The following FAM13C variants were observed in gnomAD, a reference collection of about 807,000 sequenced individuals.
The protein encoded by FAM13C is family with sequence similarity 13 member C.
Under a neutral mutation model 73.2 loss-of-function variants are expected in FAM13C, and 37 were observed. That is an observed-to-expected ratio of 0.51 (90% confidence interval 0.39 to 0.67). The LOEUF is 0.67. Ranked by LOEUF, FAM13C falls within the 30% of genes least tolerant of loss-of-function variation. The pLI, the probability that FAM13C is intolerant of heterozygous loss-of-function variation, is 0.00. For synonymous variants in FAM13C, 246 were observed against 260.9 expected (o/e 0.94, Z 0.55); for missense variants, 589 against 715.6 (o/e 0.82, Z 2.02).
chr10:59,302,371 T>C (rs181806352), intron 5 of FAM13C, among the ~76,000 whole-genome samples: 55 of 152,210 alleles, frequency 3.6e-4, no homozygotes, highest in Non-Finnish European at 3.4e-4. Context: ...AAAATCACAT[T>C]GCAAACACTA....
chr10:59,341,945 C>A (rs1169351012), intron 3 of FAM13C, among the ~76,000 whole-genome samples: 3 of 152,164 alleles, frequency 2.0e-5, no homozygotes, highest in Non-Finnish European at 4.4e-5. Context: ...TCTAGAGCAG[C>A]AGTTTTCAAA....
intron 6 of FAM13C, among the ~76,000 whole-genome samples, chr10:59,280,890 C>T (rs1844853528): frequency 1.3e-5 from 2 of 152,088 alleles, no homozygotes; most frequent in Non-Finnish European, 2.9e-5. Context: ...TGAATTTATC[C>T]TTTGAATGTT....
intron 8 of FAM13C, among the ~76,000 whole-genome samples, chr10:59,266,182 T>G (rs149984541): frequency 6.6e-6 from 1 of 152,212 alleles, no homozygotes; most frequent in Non-Finnish European, 1.5e-5. Flanking sequence ...GACAAAAGAC[T>G]GATTCTTTCC....
At position 59,277,862 on chromosome 10, in the gene FAM13C, CA is replaced by C. The variant is rs567163102; in HGVS notation, c.592+5500del. Among the ~76,000 whole-genome samples the C allele has an allele frequency of 5.3e-5, 8 of 152,246 alleles. No individual in the cohort carries two copies. In the East Asian group the frequency reaches 1.5e-3, roughly 29 times the overall value. ...TATGGAGTCAGAGTGGGGAAAGCCCCACTAACACTTCCCCACTTTCCACCCA... is the reference window on the plus strand; with the variant it reads ...TATGGAGTCAGAGTGGGGAAAGCCCCCTAACACTTCCCCACTTTCCACCCA... On this transcript the variant is annotated intron_variant, in intron 6 of 13. Transcript: ENST00000618804.
chr10:59,252,731 T>C, intron 12 of FAM13C, 68 bp downstream of exon 12: 4 of 1,505,180 alleles, frequency 2.7e-6, no homozygotes, highest in Non-Finnish European at 3.7e-6. Flanking sequence ...AGGCCAGCTC[T>C]ACTTCATATA....
At chr10:59,348,091 G>GA (rs1422869117) in intron 3 of FAM13C, among the ~76,000 whole-genome samples, 5 of 151,808 alleles carry the variant, frequency 3.3e-5, no homozygotes, top group Non-Finnish European at 4.4e-5. Context: ...CAAACTTTGT[G>GA]AAAAAAAAGA....
intron 3 of FAM13C, among the ~76,000 whole-genome samples, chr10:59,347,287 A>G (rs959545779): frequency 1.3e-5 from 2 of 152,062 alleles, no homozygotes; most frequent in Non-Finnish European, 2.9e-5. Context: ...TCTTTCATTC[A>G]CGAATACACA....
chr10:59,261,425 A>G (rs904165949), intron 10 of FAM13C, among the ~76,000 whole-genome samples: 1 of 152,194 alleles, frequency 6.6e-6, no homozygotes, highest in African/African-American at 2.4e-5. Flanking sequence ...TATGATTAAT[A>G]CCAGGTAATG....
At chr10:59,284,031 A>ATGTGTGTGTGTGTG (rs6143934) in intron 5 of FAM13C, among the ~76,000 whole-genome samples, 6 of 149,014 alleles carry the variant, frequency 4.0e-5, no homozygotes, top group African/African-American at 1.5e-4. Flanking sequence ...ATGCTGGGGT[A>ATGTGTGTGTGTGTG]TGTGTGTGTG....
At chr10:59,252,684 A>C in intron 12 of FAM13C, 115 bp downstream of exon 12, 1 of 935,938 alleles carries the variant, frequency 1.1e-6, no homozygotes. Flanking sequence ...AGGCCCTGAG[A>C]ACTGTTGACC....
chr10:59,337,054 C>T (rs1564604437), intron 3 of FAM13C, among the ~76,000 whole-genome samples: 1 of 152,186 alleles, frequency 6.6e-6, no homozygotes, highest in South Asian at 2.1e-4. Context: ...TTAAATAACT[C>T]CCATTTTACT....
At chr10:59,258,533 C>CAAGAAACTTGTA (rs1336012734) in intron 10 of FAM13C, among the ~76,000 whole-genome samples, 45 of 152,078 alleles carry the variant, frequency 3.0e-4, no homozygotes, top group Non-Finnish European at 6.3e-4. Flanking sequence ...CTTGTATATG[C>CAAGAAACTTGTA]TCTACATAGA....
chr10:59,318,700 CT>C (rs2133986048), intron 4 of FAM13C, among the ~76,000 whole-genome samples: 1 of 152,134 alleles, frequency 6.6e-6, no homozygotes, highest in African/African-American at 2.4e-5. Context: ...GAGAGCCCTC[CT>C]TTCCAGCTCC....
rs150460810 is a variant in FAM13C at position 59,355,937 on chromosome 10, G to A, written c.69C>T (p.Asp23=). 993 of 1,613,854 alleles carry A rather than the reference G, an allele frequency of 6.2e-4. 1 individual carries two copies. The highest frequency in any genetic ancestry group is 6.1e-4 in the Non-Finnish European group (716 of 1,179,800). Residue 23 remains aspartate (D), a synonymous_variant, in exon 2 of 14, where the codon GAC becomes GAT. Transcript: ENST00000618804. ...CTTCATGTAGAGAGACTGGATCTTC[G>A]TCACACCTGGAAGAGTGGGAAGAAA... ...SFSSTTVTEC[D]EDPVSLHEDQ...
At chr10:59,320,330 C>A (rs937334833) in intron 4 of FAM13C, among the ~76,000 whole-genome samples, 1 of 152,080 alleles carries the variant, frequency 6.6e-6, no homozygotes, top group Non-Finnish European at 1.5e-5. Context: ...AAATTTGAGG[C>A]CTCTAATGTG....
At chr10:59,309,261 C>T (rs180971778) in intron 4 of FAM13C, among the ~76,000 whole-genome samples, 8 of 152,272 alleles carry the variant, frequency 5.3e-5, no homozygotes, top group Admixed American at 3.9e-4. Context: ...GGCCAAGCCA[C>T]CAGCACCTCT....
chr10:59,320,916 C>A (rs769060407), intron 4 of FAM13C, among the ~76,000 whole-genome samples: 102 of 152,162 alleles, frequency 6.7e-4, no homozygotes, highest in Non-Finnish European at 1.3e-3. Flanking sequence ...TTTAACAGTT[C>A]TGAATCTTCT....
intron 3 of FAM13C, 68 bp downstream of exon 3, chr10:59,352,202 C>T (rs922712158): frequency 1.3e-6 from 2 of 1,575,296 alleles, no homozygotes; most frequent in Non-Finnish European, 1.7e-6. Context: ...AAATCGTCTG[C>T]CAGAACCGTG....
chr10:59,264,209 A>C, intron 8 of FAM13C, 43 bp from the exon 9 acceptor site: 21 of 829,452 alleles, frequency 2.5e-5, no homozygotes, highest in Non-Finnish European at 3.8e-5. Flanking sequence ...GGAGGGAAGG[A>C]GGGAGAGGGT....
Sources: gnomAD v4.1 joint callset for allele counts (sites outside exome capture counted in the v4.1 genomes callset) on GRCh38, gnomAD v4.1.1 for gene constraint, MANE v1.5 for transcripts, NCBI Gene and HGNC (gene_info 2026-07-23, HGNC 2026-07-21) for gene names.